Variants in PAK5 observed in about 807,000 individuals in gnomAD.
PAK5 encodes serine/threonine-protein kinase PAK 5.
Under a neutral mutation model 65.9 loss-of-function variants are expected in PAK5, and 16 were observed. That is an observed-to-expected ratio of 0.24 (90% CI 0.16 to 0.37). The LOEUF (loss-of-function observed/expected upper bound fraction) is 0.37, where lower values mean the gene tolerates loss of function less well. PAK5 is among the 10% of genes least tolerant of loss of function. PAK5 has a pLI of 1.00. For synonymous variants in PAK5, 371 were observed against 354.9 expected (o/e 1.05, Z -0.51); for missense variants, 785 against 903.9 (o/e 0.87, Z 1.69).
chr20:9,574,619 A>G (rs1453687853), intron 4 of PAK5, among the ~76,000 whole-genome samples: 2 of 152,208 alleles, frequency 1.3e-5, no homozygotes, highest in African/African-American at 2.4e-5. Flanking sequence ...GGGAAAACCC[A>G]TTCATAATGA....
chr20:9,770,013 T>C (rs1181262302), intron 1 of PAK5, among the ~76,000 whole-genome samples: 2 of 152,012 alleles, frequency 1.3e-5, no homozygotes, highest in African/African-American at 2.4e-5. Context: ...AAAAGTAGGG[T>C]GGTAGCTGGA....
chr20:9,804,836 G>A (rs766263892), intron 1 of PAK5, among the ~76,000 whole-genome samples: 47 of 152,088 alleles, frequency 3.1e-4, no homozygotes, highest in Non-Finnish European at 4.9e-4. Flanking sequence ...ATTGCTTGAG[G>A]CCAGGAGTTT....
intron 3 of PAK5, among the ~76,000 whole-genome samples, chr20:9,600,433 T>C (rs2046340075): frequency 6.6e-6 from 1 of 152,232 alleles, no homozygotes; most frequent in African/African-American, 2.4e-5. Context: ...TGGATGACTT[T>C]CGTAGCATTT....
At chr20:9,720,101 A>C (rs929409645) in intron 1 of PAK5, among the ~76,000 whole-genome samples, 1 of 152,078 alleles carries the variant, frequency 6.6e-6, no homozygotes, top group Non-Finnish European at 1.5e-5. Context: ...AGATGGGAGA[A>C]GAGTGGTGAG....
chr20:9,600,488 T>C (rs1213715044), intron 3 of PAK5, among the ~76,000 whole-genome samples: 2 of 152,224 alleles, frequency 1.3e-5, no homozygotes, highest in African/African-American at 2.4e-5. Context: ...ACAGAGGATG[T>C]CTTTTCATTT....
At chr20:9,716,355 A>G (rs759393320) in intron 1 of PAK5, among the ~76,000 whole-genome samples, 4 of 152,208 alleles carry the variant, frequency 2.6e-5, no homozygotes, top group Admixed American at 1.3e-4. Flanking sequence ...ACCCTATTCA[A>G]ACAGTTCAGA....
rs2045963884 is a variant in PAK5, at chr20:9,580,698, T to A, written c.437A>T (p.Tyr146Phe). 2 of 1,613,978 alleles carry A rather than the reference T, an allele frequency of 1.2e-6. No individual in the cohort carries two copies. The highest frequency in any genetic ancestry group is 1.1e-5 in the South Asian group (1 of 91,070). ...ATCTCCATAGAGACTCTTCTCCCTG[T>A]ACTTTTCGGTCGTGTAGTCAGCAGT... ...DTTADYTTEK[Y>F]REKSLYGDDL... The change falls in exon 4 of 10, where the codon TAC (tyrosine) becomes TTC (phenylalanine). Residue 146 changes from tyrosine (Y) to phenylalanine (F), a missense_variant. Physicochemically the swap from Tyr to Phe is conservative, Grantham distance 22. Around this residue, in one of 4 missense-constraint regions of PAK5, gnomAD observed 422 missense variants for 413.3 expected, o/e 1.02. Transcript: ENST00000353224.
At chr20:9,571,195 A>G (rs576885016) in intron 4 of PAK5, among the ~76,000 whole-genome samples, 1 of 152,342 alleles carries the variant, frequency 6.6e-6, no homozygotes, top group African/African-American at 2.4e-5. Context: ...CCCTCAGAGG[A>G]CAAATAGCTG....
chr20:9,657,037 T>G (rs542983764), intron 2 of PAK5, among the ~76,000 whole-genome samples: 8 of 152,204 alleles, frequency 5.3e-5, no homozygotes, highest in African/African-American at 1.7e-4. Context: ...TATATGTCTA[T>G]GCCATTTTAT....
At chr20:9,767,817 A>ATGATAAC (rs1220399139) in intron 1 of PAK5, among the ~76,000 whole-genome samples, 1 of 152,150 alleles carries the variant, frequency 6.6e-6, no homozygotes, top group African/African-American at 2.4e-5. Context: ...GTTTTGTTCT[A>ATGATAAC]AACACTTCCA....
intron 4 of PAK5, among the ~76,000 whole-genome samples, chr20:9,575,283 C>G (rs1009872599): frequency 1.4e-4 from 22 of 152,234 alleles, no homozygotes; most frequent in African/African-American, 5.1e-4. Flanking sequence ...CAACCTTGAA[C>G]TCCTGGGCTC....
At chr20:9,817,529 G>A (rs781208798) in intron 1 of PAK5, among the ~76,000 whole-genome samples, 6 of 152,092 alleles carry the variant, frequency 3.9e-5, no homozygotes, top group Non-Finnish European at 8.8e-5. Context: ...GAAGAAGAAA[G>A]ATAACAGAAA....
rs1306846644 is a variant in PAK5 at position 9,537,485 on chromosome 20, A to G, written c.*1977T>C. 4.7e-6 allele frequency: 1 copy of G among 212,076 alleles called. No homozygotes were observed. Among genetic ancestry groups the G allele is most frequent in the Non-Finnish European group, 9.6e-6 (1 of 104,372 alleles). The allele number at this position is 212,076 out of a possible 1,614,324, so 13.1% of individuals were successfully genotyped here. ...AGCTACAGTAACTTTTGGTAAACTC[A>G]ATGAATACTTTAAAAAATACCCGAT... On this transcript the variant is annotated 3_prime_UTR_variant, in exon 10 of 10. Transcript: ENST00000353224.
In PAK5 at chr20:9,544,425, C is replaced by G. The variant is rs766202583; in HGVS notation, c.1813G>C (p.Gly605Arg). ...KEVPKRKSLV[G>R]TPYWMAPEVI... Reference sequence around the variant, plus strand: ...TCAGGGGCCATCCAGTAGGGAGTGCCAACCAATGATTTCCTCTTCGGCACC... The same window carrying G: ...TCAGGGGCCATCCAGTAGGGAGTGCGAACCAATGATTTCCTCTTCGGCACC... Residue 605 changes from glycine (G) to arginine (R), a missense_variant, in exon 8 of 10, where the codon GGC (glycine) becomes CGC (arginine). This residue lies in a region of PAK5 where 182 missense variants were observed against 273.0 expected (regional missense o/e 0.67). Transcript: ENST00000353224. 1 of 1,613,866 alleles carries G rather than the reference C, an allele frequency of 6.2e-7. No homozygotes were observed. The highest frequency in any genetic ancestry group is 8.5e-7 in the Non-Finnish European group (1 of 1,179,734).
intron 1 of PAK5, among the ~76,000 whole-genome samples, chr20:9,741,212 G>A (rs1023335821): frequency 4.6e-5 from 7 of 152,086 alleles, no homozygotes; most frequent in Admixed American, 2.6e-4. Context: ...TAAAGCTTCC[G>A]TTTGCTTACA....
chr20:9,555,574 G>T (rs972718915), intron 7 of PAK5, among the ~76,000 whole-genome samples: 1 of 152,118 alleles, frequency 6.6e-6, no homozygotes, highest in Non-Finnish European at 1.5e-5. Context: ...GGTGCTTTCC[G>T]GAGTCAGGCC....
chr20:9,823,898 G>C (rs1036550984), intron 1 of PAK5, among the ~76,000 whole-genome samples: 1 of 149,878 alleles, frequency 6.7e-6, no homozygotes, highest in Non-Finnish European at 1.5e-5. Flanking sequence ...CCTTTTTTTT[G>C]TGCTTGTAGA....
At chr20:9,746,027 C>A (rs552765554) in intron 1 of PAK5, among the ~76,000 whole-genome samples, 3 of 151,956 alleles carry the variant, frequency 2.0e-5, no homozygotes, top group Admixed American at 1.3e-4. Flanking sequence ...CAGAGAAAAC[C>A]CAATGTTAAT....
At chr20:9,646,504 G>A (rs916777456) in intron 2 of PAK5, among the ~76,000 whole-genome samples, 2 of 152,146 alleles carry the variant, frequency 1.3e-5, no homozygotes, top group African/African-American at 4.8e-5. Context: ...CTACAAGTAG[G>A]TCAATAAATA....
Sources: allele counts gnomAD v4.1 joint callset (sites outside exome capture counted in the v4.1 genomes callset), GRCh38; gene constraint gnomAD v4.1.1; regional missense constraint gnomAD v4.1.1; transcripts MANE v1.5; gene names NCBI Gene and HGNC (gene_info 2026-07-23, HGNC 2026-07-21).